LSAMP: variants seen among roughly 807,000 people sequenced by gnomAD.
The protein encoded by LSAMP is limbic system associated membrane protein.
In LSAMP, 7 loss-of-function variants were observed where a neutral mutation model predicts 38.6. That is an observed-to-expected ratio of 0.18 (90% CI 0.10 to 0.34). The LOEUF (loss-of-function observed/expected upper bound fraction) is 0.34. Among genes scored for constraint, LSAMP ranks in the 10% least tolerant of loss-of-function variants. LSAMP has a pLI of 1.00. For synonymous variants in LSAMP, 154 were observed against 166.8 expected, an observed-to-expected ratio of 0.92 and a Z score of 0.59; for missense variants, 313 against 420.0, an observed-to-expected ratio of 0.75 and a Z score of 2.23.
At chr3:116,350,802 A>G (rs745968838) in intron 1 of LSAMP, among the ~76,000 whole-genome samples, 17 of 151,968 alleles carry the variant, frequency 1.1e-4, no homozygotes, top group Non-Finnish European at 1.6e-4. Flanking sequence ...GTAAGAAAAA[A>G]TCTTCTATCC....
In LSAMP at chr3:116,444,955, C is replaced by G; in HGVS notation, c.77G>C (p.Gly26Ala). 1 of 1,614,086 alleles carries G rather than the reference C, an allele frequency of 6.2e-7. No individual in the cohort carries two copies. The highest frequency in any genetic ancestry group is 8.5e-7 in the Non-Finnish European group (1 of 1,180,032). ...LLRLLCLLPT[G>A]LPVRSVDFNR... ...AAAATCCACGCTGCGAACAGGCAGT[C>G]CTGTGGGAAGAAGGCAGAGCAATCT... is the stretch of plus-strand genomic sequence containing the variant. The change falls in exon 1 of 7, where the codon GGA becomes GCA. Residue 26 changes from glycine (G) to alanine (A), a missense_variant. Gly to Ala is a moderately conservative substitution (Grantham distance 60, BLOSUM62 0). Transcript: ENST00000490035.
intron 1 of LSAMP, among the ~76,000 whole-genome samples, chr3:116,106,618 G>A (rs890760408): frequency 2.6e-5 from 4 of 152,206 alleles, no homozygotes; most frequent in Admixed American, 2.0e-4. Context: ...GAAAATGCTT[G>A]GCTGATTTGA....
At chr3:116,108,698 G>T (rs890906648) in intron 1 of LSAMP, among the ~76,000 whole-genome samples, 8 of 152,170 alleles carry the variant, frequency 5.3e-5, no homozygotes, top group African/African-American at 1.9e-4. Flanking sequence ...GTGGGGTCCC[G>T]CAGAGATGGG....
intron 2 of LSAMP, among the ~76,000 whole-genome samples, chr3:116,047,873 G>A (rs1941323370): frequency 6.6e-6 from 1 of 152,162 alleles, no homozygotes; most frequent in African/African-American, 2.4e-5. Context: ...ACCTCACATA[G>A]TCATCACTTT....
At chr3:116,338,727 T>C (rs540218099) in intron 1 of LSAMP, among the ~76,000 whole-genome samples, 1 of 152,158 alleles carries the variant, frequency 6.6e-6, no homozygotes, top group South Asian at 2.1e-4. Flanking sequence ...TGGACTGTCA[T>C]TCTCCTCTAA....
At chr3:116,236,914 C>T (rs1439098747) in intron 1 of LSAMP, among the ~76,000 whole-genome samples, 3 of 151,300 alleles carry the variant, frequency 2.0e-5, no homozygotes, top group Non-Finnish European at 4.4e-5. Context: ...TAAGGTCATT[C>T]CCTACTCCAA....
intron 1 of LSAMP, among the ~76,000 whole-genome samples, chr3:116,159,527 A>G (rs1008863743): frequency 9.9e-5 from 15 of 152,212 alleles, no homozygotes; most frequent in Non-Finnish European, 2.2e-4. Context: ...ATCATTAGAG[A>G]AATGTAAATA....
intron 3 of LSAMP, among the ~76,000 whole-genome samples, chr3:115,925,454 G>A (rs914194801): frequency 2.0e-5 from 3 of 152,166 alleles, no homozygotes; most frequent in Non-Finnish European, 4.4e-5. Context: ...GTATGAGGCA[G>A]TTAAATGATG....
chr3:116,419,704 G>A (rs1403543666), intron 1 of LSAMP, among the ~76,000 whole-genome samples: 1 of 152,146 alleles, frequency 6.6e-6, no homozygotes, highest in South Asian at 2.1e-4. Context: ...GCAGGGAAAA[G>A]ATAAGAAACC....
chr3:116,395,794 G>T (rs886104421), intron 1 of LSAMP, among the ~76,000 whole-genome samples: 2 of 152,124 alleles, frequency 1.3e-5, no homozygotes, highest in African/African-American at 4.8e-5. Context: ...CTGTAGGATA[G>T]CATTTACTGG....
At chr3:115,956,578 C>G (rs1938461939) in intron 3 of LSAMP, among the ~76,000 whole-genome samples, 2 of 151,986 alleles carry the variant, frequency 1.3e-5, no homozygotes, top group Admixed American at 1.3e-4. Flanking sequence ...TAAAGATGTC[C>G]TCCCTGAGAG....
At chr3:116,352,743 C>T (rs1339343261) in intron 1 of LSAMP, among the ~76,000 whole-genome samples, 2 of 151,978 alleles carry the variant, frequency 1.3e-5, no homozygotes, top group African/African-American at 4.8e-5. Flanking sequence ...ATATATCAAT[C>T]ACTTTCTTTA....
At chr3:116,213,746 A>G (rs2046188991) in intron 1 of LSAMP, among the ~76,000 whole-genome samples, 1 of 152,252 alleles carries the variant, frequency 6.6e-6, no homozygotes, top group Non-Finnish European at 1.5e-5. Flanking sequence ...GAGATTCTGC[A>G]ATATGGTACA....
chr3:116,207,861 A>G (rs1327476180), intron 1 of LSAMP, among the ~76,000 whole-genome samples: 6 of 151,960 alleles, frequency 3.9e-5, no homozygotes, highest in African/African-American at 1.2e-4. Flanking sequence ...ACTTTGGTGA[A>G]TCTGACAATT....
intron 1 of LSAMP, among the ~76,000 whole-genome samples, chr3:116,415,440 G>T (rs1047563747): frequency 3.3e-5 from 5 of 152,096 alleles, no homozygotes; most frequent in Non-Finnish European, 5.9e-5. Context: ...AGTTAAATCT[G>T]CTATGATACA....
intron 1 of LSAMP, among the ~76,000 whole-genome samples, chr3:116,268,028 GATATA>G (rs1439225893): frequency 6.6e-6 from 1 of 152,102 alleles, no homozygotes; most frequent in African/African-American, 2.4e-5. Flanking sequence ...GGGCAATTCT[GATATA>G]ATTTCTGCTC....
At chr3:116,433,139 G>A (rs773214202) in intron 1 of LSAMP, among the ~76,000 whole-genome samples, 14 of 152,080 alleles carry the variant, frequency 9.2e-5, no homozygotes, top group Non-Finnish European at 1.6e-4. Context: ...AAAACAATCA[G>A]AAGTCAGGAA....
intron 1 of LSAMP, among the ~76,000 whole-genome samples, chr3:116,409,948 C>T (rs1467304262): frequency 6.6e-6 from 1 of 152,084 alleles, no homozygotes; most frequent in Non-Finnish European, 1.5e-5. Flanking sequence ...CCTAACTCTG[C>T]CTCCTCTGCC....
chr3:115,826,596 GTACCTGCTTCATTC>G (rs1323992594), intron 6 of LSAMP, among the ~76,000 whole-genome samples: 4 of 152,172 alleles, frequency 2.6e-5, no homozygotes, highest in Non-Finnish European at 4.4e-5. Context: ...TGCAGAGGCT[GTACCTGCTTCATTC>G]TCCTTTGTCA....
Sources: gnomAD v4.1 joint callset for allele counts (sites outside exome capture counted in the v4.1 genomes callset) on GRCh38, gnomAD v4.1.1 for gene constraint, MANE v1.5 for transcripts, NCBI Gene and HGNC (gene_info 2026-07-23, HGNC 2026-07-21) for gene names.